XKR4: variants seen among roughly 807,000 people sequenced by gnomAD.
XKR4 encodes XK-related protein 4.
Under a neutral mutation model 53.9 loss-of-function variants are expected in XKR4, and 12 were observed. The observed-to-expected ratio is 0.22, with a 90% CI of 0.14 to 0.36. The LOEUF (loss-of-function observed/expected upper bound fraction) is 0.36, where lower values mean the gene tolerates loss of function less well. Among genes scored for constraint, XKR4 ranks in the 10% least tolerant of loss-of-function variants. XKR4 has a pLI of 1.00. For missense variants in XKR4, 799 were observed against 859.5 expected (o/e 0.93, Z 0.88); for synonymous variants, 354 against 362.4 (o/e 0.98, Z 0.26).
chr8:55,219,480 C>T (rs920716522), intron 1 of XKR4, among the ~76,000 whole-genome samples: 5 of 152,092 alleles, frequency 3.3e-5, no homozygotes, highest in Non-Finnish European at 5.9e-5. Flanking sequence ...TGTGCCAGTT[C>T]TCTTAAAATT....
intron 1 of XKR4, among the ~76,000 whole-genome samples, chr8:55,325,242 A>G (rs1247151551): frequency 6.6e-6 from 1 of 152,208 alleles, no homozygotes; most frequent in East Asian, 1.9e-4. Flanking sequence ...TAATCAGAAA[A>G]CAAAAATGGA....
chr8:55,164,633 G>A, intron 1 of XKR4: 1 of 311,866 alleles, frequency 3.2e-6, no homozygotes, highest in Non-Finnish European at 6.4e-6. Flanking sequence ...AGGACAGCAT[G>A]GGCAATTTTC....
intron 2 of XKR4, among the ~76,000 whole-genome samples, chr8:55,502,298 G>C (rs180750563): frequency 2.6e-4 from 39 of 152,202 alleles, no homozygotes; most frequent in African/African-American, 9.2e-4. Context: ...CTGACATACT[G>C]TTTTTCATAC....
At chr8:55,370,325 T>C (rs1804054015) in intron 2 of XKR4, among the ~76,000 whole-genome samples, 1 of 152,222 alleles carries the variant, frequency 6.6e-6, no homozygotes, top group South Asian at 2.1e-4. Flanking sequence ...CGTTGAGATT[T>C]AGGAAAGAGC....
chr8:55,301,878 G>C (rs981691944), intron 1 of XKR4, among the ~76,000 whole-genome samples: 3 of 152,232 alleles, frequency 2.0e-5, no homozygotes, highest in Middle Eastern at 3.4e-3. Flanking sequence ...TGAGTTCATC[G>C]TAGATTCTGG....
At chr8:55,396,216 A>T (rs546778517) in intron 2 of XKR4, among the ~76,000 whole-genome samples, 3 of 152,184 alleles carry the variant, frequency 2.0e-5, no homozygotes, top group African/African-American at 7.2e-5. Context: ...TACACGACTC[A>T]ATCTTTCTGG....
chr8:55,225,249 C>A (rs879102011), intron 1 of XKR4, among the ~76,000 whole-genome samples: 22 of 152,144 alleles, frequency 1.4e-4, no homozygotes, highest in Admixed American at 1.4e-3. Flanking sequence ...TGTTTCAATT[C>A]ACAATGTACA....
chr8:55,439,311 A>T lies in XKR4; in HGVS notation c.1006+81434A>T, dbSNP rs116465393. 4.0e-3 allele frequency among the ~76,000 whole-genome samples: 509 copies of T among 127,846 alleles called. 3 individuals are homozygous for T. The highest frequency in any genetic ancestry group is 0.016 in the African/African-American group (485 of 31,182). 83.9% of individuals were successfully genotyped at this position (127,846 alleles called of 152,430 possible). A position where few individuals can be genotyped will look rare whatever the true frequency, so the allele number is the denominator to read the frequency against. On this transcript the variant is annotated intron_variant, in intron 2 of 2. Transcript: ENST00000327381. ...AAATAATGCCCACGTATAAAGTCCC[A>T]AAGAAGATGCGCTCCTTCCCAATCA...
chr8:55,451,934 G>A, intron 2 of XKR4: 1 of 774,776 alleles, frequency 1.3e-6, no homozygotes, highest in Non-Finnish European at 2.3e-6. Context: ...TCAGAGGGCG[G>A]CTGGCTCCAG....
At chr8:55,207,774 G>A (rs113403255) in intron 1 of XKR4, among the ~76,000 whole-genome samples, 1,351 of 90,300 alleles carry the variant, frequency 0.015, 25 homozygotes, top group African/African-American at 0.045. Flanking sequence ...GGGAGGGGGA[G>A]AGGGAGTGGG....
At chr8:55,516,069 CA>C (rs890552292) in intron 2 of XKR4, among the ~76,000 whole-genome samples, 1 of 152,062 alleles carries the variant, frequency 6.6e-6, no homozygotes, top group Admixed American at 6.5e-5. Context: ...TGCCTGTTTG[CA>C]AAAAACAATA....
At chr8:55,377,662 T>C (rs1426102127) in intron 2 of XKR4, among the ~76,000 whole-genome samples, 5 of 151,952 alleles carry the variant, frequency 3.3e-5, no homozygotes, top group Non-Finnish European at 7.4e-5. Context: ...CAACTTGAAA[T>C]AGGAAAAGTC....
At chr8:55,313,720 C>T (rs1026196453) in intron 1 of XKR4, among the ~76,000 whole-genome samples, 2 of 152,184 alleles carry the variant, frequency 1.3e-5, no homozygotes, top group Non-Finnish European at 2.9e-5. Flanking sequence ...AAAGCAACTT[C>T]GAGTCACCTG....
At chr8:55,493,795 A>G (rs1806304115) in intron 2 of XKR4, among the ~76,000 whole-genome samples, 1 of 152,242 alleles carries the variant, frequency 6.6e-6, no homozygotes, top group African/African-American at 2.4e-5. Flanking sequence ...ACCCATCCAC[A>G]CAGTTCTCCT....
chr8:55,486,408 A>C (rs1366585088), intron 2 of XKR4, among the ~76,000 whole-genome samples: 2 of 152,240 alleles, frequency 1.3e-5, no homozygotes, highest in East Asian at 3.8e-4. Context: ...TAATGTTCTT[A>C]TATACAAAGT....
chr8:55,378,168 T>C (rs1804177487), intron 2 of XKR4, among the ~76,000 whole-genome samples: 1 of 152,234 alleles, frequency 6.6e-6, no homozygotes, highest in Non-Finnish European at 1.5e-5. Context: ...GTGTAGAATA[T>C]GAAATAGTAC....
intron 1 of XKR4, among the ~76,000 whole-genome samples, chr8:55,145,847 G>A (rs548233998): frequency 4.6e-5 from 7 of 152,276 alleles, no homozygotes; most frequent in African/African-American, 1.2e-4. Flanking sequence ...ATAGCAGCCC[G>A]CCAGTTCACT....
At chr8:55,363,337 AC>A (rs1226880924) in intron 2 of XKR4, among the ~76,000 whole-genome samples, 1 of 152,156 alleles carries the variant, frequency 6.6e-6, no homozygotes, top group African/African-American at 2.4e-5. Context: ...CCTTTTGCCA[AC>A]AGTTTATCCT....
chr8:55,350,578 T>A (rs1381996333), intron 1 of XKR4, among the ~76,000 whole-genome samples: 1 of 152,052 alleles, frequency 6.6e-6, no homozygotes, highest in Non-Finnish European at 1.5e-5. Flanking sequence ...TCCACTTATA[T>A]CCAGAGAAGA....
Sources: allele counts gnomAD v4.1 joint callset (sites outside exome capture counted in the v4.1 genomes callset), GRCh38; gene constraint gnomAD v4.1.1; transcripts MANE v1.5; gene names NCBI Gene and HGNC (gene_info 2026-07-23, HGNC 2026-07-21).